Variants in SCN9A observed in about 807,000 individuals in gnomAD.
The protein encoded by SCN9A is sodium channel protein type 9 subunit alpha.
Under a neutral mutation model 187.0 loss-of-function variants are expected in SCN9A, and 131 were observed. The observed-to-expected ratio is 0.70, with a 90% CI of 0.61 to 0.81. The LOEUF is 0.81. SCN9A is among the 30% of genes least tolerant of loss of function. The probability of loss-of-function intolerance (pLI) is 0.00; values close to 1 mark genes in which losing one functional copy is unlikely to be tolerated. For synonymous variants in SCN9A, 809 were observed against 808.6 expected (o/e 1.00, Z -0.01); for missense variants, 2,252 against 2,396.6 (o/e 0.94, Z 1.26).
intron 1 of SCN9A, among the ~76,000 whole-genome samples, chr2:166,313,968 G>T (rs1255627769): frequency 1.3e-5 from 2 of 152,158 alleles, no homozygotes; most frequent in Admixed American, 1.3e-4. Context: ...CCTGAGGAAA[G>T]GGAGAGAGAT....
intron 7 of SCN9A, among the ~76,000 whole-genome samples, chr2:166,300,382 A>G (rs1698502520): frequency 6.6e-6 from 1 of 150,790 alleles, no homozygotes; most frequent in Admixed American, 6.6e-5. Context: ...ACCCACACTT[A>G]AACTATTTTA....
intron 1 of SCN9A, among the ~76,000 whole-genome samples, chr2:166,335,634 A>G (rs1264209439): frequency 6.6e-6 from 1 of 152,154 alleles, no homozygotes; most frequent in East Asian, 1.9e-4. Context: ...TATCATTAGC[A>G]GACTTTCAAA....
intron 9 of SCN9A, among the ~76,000 whole-genome samples, chr2:166,292,487 T>C (rs995030209): frequency 4.6e-5 from 7 of 151,998 alleles, no homozygotes; most frequent in Non-Finnish European, 8.8e-5. Context: ...ATTTATAATA[T>C]TCTCGGAAAT....
chr2:166,213,490 A>G (rs1027359638), intron 24 of SCN9A, among the ~76,000 whole-genome samples: 4 of 147,584 alleles, frequency 2.7e-5, no homozygotes, highest in Admixed American at 2.0e-4. Context: ...TAATAATAAT[A>G]ATAATGATAA....
intron 18 of SCN9A, among the ~76,000 whole-genome samples, chr2:166,244,246 C>T (rs1695690871): frequency 6.6e-6 from 1 of 151,942 alleles, no homozygotes; most frequent in African/African-American, 2.4e-5. Context: ...CATGTATCTG[C>T]TGAAGTCAGA....
intron 1 of SCN9A, among the ~76,000 whole-genome samples, chr2:166,312,032 C>A (rs1698978265): frequency 6.6e-6 from 1 of 152,148 alleles, no homozygotes; most frequent in South Asian, 2.1e-4. Context: ...GTTTACGCTT[C>A]ATAGCTTTAA....
At chr2:166,289,218 CT>C (rs200426652) in intron 9 of SCN9A, among the ~76,000 whole-genome samples, 3 of 142,950 alleles carry the variant, frequency 2.1e-5, no homozygotes, top group Admixed American at 1.4e-4. Flanking sequence ...TTCTTTTTTT[CT>C]TTTTTTTGGC....
chr2:166,292,114 T>G (rs1424360566), intron 9 of SCN9A, among the ~76,000 whole-genome samples: 2 of 152,090 alleles, frequency 1.3e-5, no homozygotes, highest in Non-Finnish European at 2.9e-5. Context: ...CAAAAGAAAC[T>G]AACATCAGAG....
chr2:166,242,257 TCTC>T lies in SCN9A; in HGVS notation c.3627+242_3627+244del, dbSNP rs1178953987. 7.5e-3 allele frequency among the ~76,000 whole-genome samples: 1,148 copies of T among 152,158 alleles called. 13 individuals are homozygous for T. The highest frequency in any genetic ancestry group is 0.054 in the South Asian group (261 of 4,818). The stretch of plus-strand genomic sequence containing the variant: ...TGCAAACTGATATTGCCAGTAAAAT[TCTC>T]TTTTCTATTATAGCCATCTGGGTGG... On this transcript the variant is annotated intron_variant, in intron 19 of 26. Transcript: ENST00000642356.
intron 20 of SCN9A, among the ~76,000 whole-genome samples, chr2:166,235,678 G>GAAAAA (rs60341533): frequency 5.6e-5 from 8 of 142,928 alleles, no homozygotes; most frequent in African/African-American, 2.0e-4. Context: ...ATACTTTTCA[G>GAAAAA]AAAAAAAAAA....
In SCN9A at chr2:166,198,746, C is replaced by A; in HGVS notation, c.5893G>T (p.Asp1965Tyr). Residue 1965 changes from aspartate (D) to tyrosine (Y), a missense_variant, in exon 27 of 27, where the codon GAC becomes TAC. Transcript: ENST00000642356. ...PPSYDSVTKP[D>Y]KEKYEQDRTE... is the part of the protein sequence containing the mutation. ...CTGTCTTGTTCATATTTCTCTTTGT[C>A]TGGCTTTGTTACACTATCATATGAA... The A allele has an allele frequency of 6.2e-7, 1 of 1,613,446 alleles. No homozygotes were observed. The highest frequency in any genetic ancestry group is 8.5e-7 in the Non-Finnish European group (1 of 1,179,648).
chr2:166,204,476 AAC>A lies in SCN9A; in HGVS notation c.4399-14_4399-13del. On this transcript the variant is annotated splice_polypyrimidine_tract_variant and intron_variant, in intron 24 of 26. Coordinates refer to ENST00000642356, the MANE Select transcript of SCN9A (RefSeq NM_001365536.1). The stretch of plus-strand genomic sequence containing the variant: ...TCTTGACCTCCAAGGTAAAGAAACA[AAC>A]AAAAAATAAATGTAGTTAAAACCAG... 1 of 1,517,724 alleles carries A rather than the reference AAC, an allele frequency of 6.6e-7. No homozygotes were observed. Among genetic ancestry groups the A allele is most frequent in the Admixed American group, 1.9e-5 (1 of 51,754 alleles). 94.0% of individuals were successfully genotyped at this position (1,517,724 alleles called of 1,614,324 possible). A position where few individuals can be genotyped will look rare whatever the true frequency, so the allele number is the denominator to read the frequency against.
chr2:166,325,914 A>G (rs1469968003), intron 1 of SCN9A, among the ~76,000 whole-genome samples: 1 of 152,098 alleles, frequency 6.6e-6, no homozygotes, highest in Non-Finnish European at 1.5e-5. Context: ...ATTTTAAATT[A>G]CTCTCCTATG....
At chr2:166,226,726 G>C in intron 23 of SCN9A, 22 bp from the exon 24 acceptor site, 1 of 1,523,594 alleles carries the variant, frequency 6.6e-7, no homozygotes, top group Non-Finnish European at 8.8e-7. Flanking sequence ...ACAAAAGTTA[G>C]CATTATATGG....
chr2:166,349,363 C>G (rs545696456), intron 1 of SCN9A, among the ~76,000 whole-genome samples: 41 of 151,924 alleles, frequency 2.7e-4, no homozygotes, highest in African/African-American at 9.2e-4. Context: ...TGTAAGGAAC[C>G]AATGAAAGAA....
At chr2:166,357,010 CA>C (rs1334766205) in intron 1 of SCN9A, among the ~76,000 whole-genome samples, 1 of 152,024 alleles carries the variant, frequency 6.6e-6, no homozygotes, top group Non-Finnish European at 1.5e-5. Flanking sequence ...GTTTGTTACA[CA>C]GGGAAACTTG....
At chr2:166,366,581 T>C (rs959335077) in intron 1 of SCN9A, among the ~76,000 whole-genome samples, 2 of 152,234 alleles carry the variant, frequency 1.3e-5, no homozygotes, top group African/African-American at 4.8e-5. Flanking sequence ...TTATTTTCCA[T>C]AGCAGCTACA....
chr2:166,243,658 A>C (rs1695662029), intron 18 of SCN9A, among the ~76,000 whole-genome samples: 1 of 151,948 alleles, frequency 6.6e-6, no homozygotes, highest in African/African-American at 2.4e-5. Flanking sequence ...AGCAGAATGT[A>C]CACAAGAGGC....
intron 1 of SCN9A, among the ~76,000 whole-genome samples, chr2:166,351,664 G>A (rs951989054): frequency 2.0e-5 from 3 of 152,142 alleles, no homozygotes; most frequent in African/African-American, 7.2e-5. Flanking sequence ...AGAGAATACA[G>A]TAAGACCATC....
Sources: allele counts gnomAD v4.1 joint callset (sites outside exome capture counted in the v4.1 genomes callset), GRCh38; gene constraint gnomAD v4.1.1; transcripts MANE v1.5; gene names NCBI Gene and HGNC (gene_info 2026-07-23, HGNC 2026-07-21).